The following LRP1B variants were observed in gnomAD, a reference collection of about 807,000 sequenced individuals.
The protein encoded by LRP1B is low-density lipoprotein receptor-related protein 1B.
Under a neutral mutation model 556.6 loss-of-function variants are expected in LRP1B, and 217 were observed. That is an observed-to-expected ratio of 0.39 (90% CI 0.35 to 0.44). LRP1B has a LOEUF of 0.44. LRP1B is among the 20% of genes least tolerant of loss of function. LRP1B has a pLI of 1.00. For synonymous variants in LRP1B, 2,047 were observed against 1,865.8 expected, an observed-to-expected ratio of 1.10 and a Z score of -2.50; for missense variants, 5,053 against 5,620.8, an observed-to-expected ratio of 0.90 and a Z score of 3.23.
intron 3 of LRP1B, among the ~76,000 whole-genome samples, chr2:141,307,049 C>T (rs1244444831): frequency 2.0e-5 from 3 of 152,130 alleles, no homozygotes; most frequent in South Asian, 2.1e-4. Flanking sequence ...GAATGTTCCA[C>T]ATGCTGACGG....
intron 11 of LRP1B, among the ~76,000 whole-genome samples, chr2:141,027,080 C>T (rs1438281621): frequency 6.6e-6 from 1 of 151,832 alleles, no homozygotes; most frequent in East Asian, 1.9e-4. Context: ...GAAAGTTTAA[C>T]CTAGGCAAAG....
chr2:140,389,505 C>T (rs974054746), intron 66 of LRP1B, among the ~76,000 whole-genome samples: 6 of 150,068 alleles, frequency 4.0e-5, no homozygotes, highest in Non-Finnish European at 7.4e-5. Context: ...TAGCAATAAA[C>T]AAAAATGAAA....
chr2:141,352,828 C>T, intron 3 of LRP1B, among the ~76,000 whole-genome samples: 1 of 151,868 alleles, frequency 6.6e-6, no homozygotes, highest in East Asian at 1.9e-4. Flanking sequence ...TTCCCAATAA[C>T]CACAATGTCT....
At chr2:140,423,896 C>T (rs1026622951) in intron 66 of LRP1B, among the ~76,000 whole-genome samples, 1 of 151,964 alleles carries the variant, frequency 6.6e-6, no homozygotes, top group Non-Finnish European at 1.5e-5. Context: ...TCACTAATAT[C>T]GCTAGAAAAG....
Position 140,541,796 on chromosome 2 carries a change from G to T in LRP1B, c.7370C>A (p.Ala2457Asp), listed in dbSNP as rs1349331434. The stretch of plus-strand genomic sequence containing the variant: ...TAACTTACAGCTATTGGTGTCATTG[G>T]CAACAGCTATGATTCCCATTGGCTG... Reference protein sequence around the residue: ...PHQPMGIIAVANDTNSCELSP... With the variant: ...PHQPMGIIAVDNDTNSCELSP... The change falls in exon 44 of 91, where the codon GCC (alanine) becomes GAC (aspartate). Residue 2457 changes from alanine to aspartate, a missense_variant. By Grantham distance (126) the Ala-to-Asp change is moderately radical. Around this residue, in one of 5 missense-constraint regions of LRP1B, gnomAD observed 3,619 missense variants for 3,931.9 expected, o/e 0.92. Transcript: ENST00000389484. 1 of 1,610,380 alleles carries T rather than the reference G, an allele frequency of 6.2e-7. No homozygotes were observed. Among genetic ancestry groups the T allele is most frequent in the Non-Finnish European group, 8.5e-7 (1 of 1,177,688 alleles).
intron 5 of LRP1B, 31 bp downstream of exon 5, chr2:141,247,195 G>C (rs1362544286): frequency 3.7e-6 from 6 of 1,612,422 alleles, no homozygotes; most frequent in Non-Finnish European, 3.4e-6. Context: ...AGTAATTCTG[G>C]AAAGACAAAA....
intron 3 of LRP1B, among the ~76,000 whole-genome samples, chr2:141,465,542 A>ATT (rs1682154636): frequency 2.4e-5 from 1 of 40,988 alleles, no homozygotes. Context: ...GCACAGCATG[A>ATT]CTTTTTTTTT....
intron 66 of LRP1B, among the ~76,000 whole-genome samples, chr2:140,415,114 G>A (rs1017936201): frequency 1.3e-5 from 2 of 152,110 alleles, no homozygotes; most frequent in South Asian, 2.1e-4. Flanking sequence ...CTAGGGTGGG[G>A]AAAAACTCTG....
At chr2:140,530,114 A>C in intron 47 of LRP1B, among the ~76,000 whole-genome samples, 1 of 152,132 alleles carries the variant, frequency 6.6e-6, no homozygotes, top group East Asian at 1.9e-4. Context: ...AAAGTATAAT[A>C]GTACTTTAGA....
intron 3 of LRP1B, among the ~76,000 whole-genome samples, chr2:141,451,084 G>T (rs1681404108): frequency 6.6e-6 from 1 of 152,108 alleles, no homozygotes; most frequent in Non-Finnish European, 1.5e-5. Context: ...TCCAAGTCTT[G>T]ATACAAGTAA....
chr2:140,563,250 T>A (rs1439247819), intron 43 of LRP1B, among the ~76,000 whole-genome samples: 1 of 151,872 alleles, frequency 6.6e-6, no homozygotes, highest in African/African-American at 2.4e-5. Context: ...AGACAAAGTC[T>A]AATCAAGGCT....
intron 2 of LRP1B, among the ~76,000 whole-genome samples, chr2:141,534,012 C>G (rs1684982003): frequency 6.6e-6 from 1 of 151,284 alleles, no homozygotes; most frequent in South Asian, 2.1e-4. Flanking sequence ...TTCTCTCTCT[C>G]TCTCATACAC....
At chr2:140,359,268 C>G (rs1339022756) in intron 72 of LRP1B, among the ~76,000 whole-genome samples, 3 of 151,572 alleles carry the variant, frequency 2.0e-5, no homozygotes, top group Non-Finnish European at 3.0e-5. Context: ...TGCAATATGG[C>G]AGGACACTTA....
intron 32 of LRP1B, among the ~76,000 whole-genome samples, chr2:140,801,139 A>G (rs1008372685): frequency 6.6e-6 from 1 of 152,168 alleles, no homozygotes; most frequent in Non-Finnish European, 1.5e-5. Flanking sequence ...GTGTGTTATG[A>G]GTGAAACATA....
chr2:140,698,004 T>C (rs1176536472), intron 41 of LRP1B, among the ~76,000 whole-genome samples: 1 of 152,068 alleles, frequency 6.6e-6, no homozygotes, highest in Non-Finnish European at 1.5e-5. Flanking sequence ...CCAAAAAAGA[T>C]TGAGTGTACA....
At chr2:141,261,367 C>T (rs897275280) in intron 3 of LRP1B, among the ~76,000 whole-genome samples, 4 of 151,994 alleles carry the variant, frequency 2.6e-5, no homozygotes, top group African/African-American at 9.7e-5. Flanking sequence ...TAATGAAGTC[C>T]ATATTTTAAA....
At chr2:140,689,731 C>T (rs1335312996) in intron 41 of LRP1B, among the ~76,000 whole-genome samples, 2 of 152,126 alleles carry the variant, frequency 1.3e-5, no homozygotes, top group Non-Finnish European at 2.9e-5. Context: ...TCCTTCTATC[C>T]ATTCCTAATC....
chr2:140,704,187 C>T (rs1420926822), intron 37 of LRP1B, among the ~76,000 whole-genome samples: 5 of 151,872 alleles, frequency 3.3e-5, no homozygotes, highest in South Asian at 2.1e-4. Flanking sequence ...TGAATAGTCA[C>T]GTAAGAATCA....
At chr2:141,667,817 A>G (rs1690502190) in intron 2 of LRP1B, among the ~76,000 whole-genome samples, 1 of 152,174 alleles carries the variant, frequency 6.6e-6, no homozygotes, top group South Asian at 2.1e-4. Flanking sequence ...AATCACCAGC[A>G]TCTAGTACCT....
Sources: gnomAD v4.1 joint callset for allele counts (sites outside exome capture counted in the v4.1 genomes callset) on GRCh38, gnomAD v4.1.1 for gene constraint, gnomAD v4.1.1 regional missense constraint, MANE v1.5 for transcripts, NCBI Gene and HGNC (gene_info 2026-07-23, HGNC 2026-07-21) for gene names.